ZGRF1: variants seen among roughly 807,000 people sequenced by gnomAD.
The protein encoded by ZGRF1 is 5'-3' DNA helicase ZGRF1.
A neutral mutation model predicts 203.5 loss-of-function variants in ZGRF1; 196 were observed. The observed-to-expected ratio is 0.96, with a 90% CI of 0.86 to 1.08. The LOEUF (loss-of-function observed/expected upper bound fraction) is 1.08. ZGRF1 is among the 50% of genes least tolerant of loss of function. ZGRF1 has a pLI of 0.00. For missense variants in ZGRF1, 2,326 were observed against 2,416.3 expected (o/e 0.96, Z 0.78); for synonymous variants, 809 against 841.3 (o/e 0.96, Z 0.66).
In ZGRF1 at chr4:112,623,807, A is replaced by G; in HGVS notation, c.162+10T>C. 2 of 1,451,808 alleles carry G rather than the reference A, an allele frequency of 1.4e-6. No homozygotes were observed. Among genetic ancestry groups the G allele is most frequent in the Non-Finnish European group, 1.9e-6 (2 of 1,045,706 alleles). The allele number at this position is 1,451,808 out of a possible 1,614,324, so 89.9% of individuals were successfully genotyped here. On this transcript the variant is annotated intron_variant, in intron 4 of 27. Coordinates refer to ENST00000505019, the MANE Select transcript of ZGRF1 (RefSeq NM_018392.5). Reference sequence around the variant, plus strand: ...AATAACTTAAAAATAAGATAAACACACTAAAATACCTCAAGGCATTTAAGA... The same window carrying G: ...AATAACTTAAAAATAAGATAAACACGCTAAAATACCTCAAGGCATTTAAGA...
intron 10 of ZGRF1, among the ~76,000 whole-genome samples, chr4:112,600,709 A>G (rs1749816553): frequency 6.6e-6 from 1 of 152,038 alleles, no homozygotes; most frequent in Admixed American, 6.6e-5. Context: ...ATGTGTGTAG[A>G]CTTGCTGGCT....
chr4:112,568,801 G>A (rs972458385), intron 16 of ZGRF1, among the ~76,000 whole-genome samples: 119 of 151,506 alleles, frequency 7.9e-4, no homozygotes, highest in African/African-American at 2.7e-3. Context: ...AGATTACAAG[G>A]TCAAGAGATC....
chr4:112,571,315 T>C (rs1213499252), intron 16 of ZGRF1, among the ~76,000 whole-genome samples: 3 of 152,148 alleles, frequency 2.0e-5, no homozygotes, highest in African/African-American at 7.2e-5. Context: ...TTGCTGATCT[T>C]CTGATCAATA....
intron 7 of ZGRF1, 121 bp downstream of exon 7, chr4:112,612,403 G>A: frequency 1.7e-6 from 1 of 582,652 alleles, no homozygotes; most frequent in Non-Finnish European, 3.0e-6. Context: ...AAAAATTACT[G>A]AGATACAGCA....
intron 4 of ZGRF1, among the ~76,000 whole-genome samples, chr4:112,623,026 C>A (rs1367177486): frequency 6.6e-6 from 1 of 152,136 alleles, no homozygotes; most frequent in Non-Finnish European, 1.5e-5. Flanking sequence ...TTTGTCCATG[C>A]ATTCTCATCA....
chr4:112,575,283 A>C (rs985021016), intron 16 of ZGRF1, among the ~76,000 whole-genome samples: 1 of 152,178 alleles, frequency 6.6e-6, no homozygotes, highest in East Asian at 1.9e-4. Context: ...AAAAAGGCCT[A>C]ACATTTGGGG....
At chr4:112,547,190 A>ACTAAACCT in intron 24 of ZGRF1, 95 bp downstream of exon 24, 1 of 1,258,014 alleles carries the variant, frequency 7.9e-7, no homozygotes, top group Admixed American at 2.6e-5. Context: ...TTAAGGCAGG[A>ACTAAACCT]CTAAGTCTTC....
chr4:112,604,085 G>A (rs1578420013), intron 9 of ZGRF1, among the ~76,000 whole-genome samples: 1 of 152,064 alleles, frequency 6.6e-6, no homozygotes, highest in Non-Finnish European at 1.5e-5. Context: ...TTAGCCAGGC[G>A]TGGTGGTGCA....
chr4:112,547,388 A>G lies in ZGRF1; in HGVS notation c.5495T>C (p.Ile1832Thr), dbSNP rs1291406408. 6.2e-7 allele frequency: 1 copy of G among 1,611,820 alleles called. No individual in the cohort carries two copies. Among genetic ancestry groups the G allele is most frequent in the African/African-American group, 1.3e-5 (1 of 74,840 alleles). ...TAGCTGTTTGGGATCCCCAACAAGA[A>G]TCAGCTTTTCACACTCAAACCTAAA... ...PIARFECEKL[I>T]LVGDPKQLPP... The change falls in exon 24 of 28, where the codon ATT (isoleucine) becomes ACT (threonine). Residue 1832 changes from isoleucine to threonine, a missense_variant. Coordinates refer to ENST00000505019, the MANE Select transcript of ZGRF1 (RefSeq NM_018392.5).
intron 22 of ZGRF1, among the ~76,000 whole-genome samples, chr4:112,552,290 A>AAT (rs1560745902): frequency 2.0e-5 from 3 of 151,164 alleles, no homozygotes; most frequent in East Asian, 3.9e-4. Context: ...AAAAAAAAAA[A>AAT]AGAAAGAAAG....
At chr4:112,621,566 T>G in intron 4 of ZGRF1, among the ~76,000 whole-genome samples, 1 of 149,178 alleles carries the variant, frequency 6.7e-6, no homozygotes, top group Non-Finnish European at 1.5e-5. Context: ...GGCAGGAGAA[T>G]CACTTGAACC....
chr4:112,597,706 C>T lies in ZGRF1; in HGVS notation c.2976+5818G>A, dbSNP rs1014966641. ...CCAGCCTGGCCAAGATGGAGAAACC[C>T]TGTCTCTACTAAAAATACCAAAAAA... On this transcript the variant is annotated intron_variant, in intron 10 of 27. Coordinates refer to ENST00000505019, the MANE Select transcript of ZGRF1 (RefSeq NM_018392.5). Among the ~76,000 whole-genome samples the T allele has an allele frequency of 2.6e-5, 4 of 151,418 alleles. No homozygotes were observed. The East Asian group carries it at 7.8e-4, about 29-fold the overall frequency.
chr4:112,555,725 T>C (rs745603872), intron 20 of ZGRF1, among the ~76,000 whole-genome samples: 3 of 152,168 alleles, frequency 2.0e-5, no homozygotes, highest in Non-Finnish European at 2.9e-5. Context: ...TAGGAAAACA[T>C]TGTCTGTTCA....
At chr4:112,573,200 A>ACCCACC (rs1553987624) in intron 16 of ZGRF1, among the ~76,000 whole-genome samples, 5 of 148,736 alleles carry the variant, frequency 3.4e-5, no homozygotes, top group Non-Finnish European at 5.9e-5. Flanking sequence ...ACACACACAC[A>ACCCACC]CCCATGGAAT....
chr4:112,607,635 T>C (rs1244197081), intron 8 of ZGRF1, among the ~76,000 whole-genome samples: 2 of 152,140 alleles, frequency 1.3e-5, no homozygotes, highest in Non-Finnish European at 2.9e-5. Context: ...CAGAGAGTTG[T>C]AGTAAGAAGA....
rs1409783397 is a variant in ZGRF1, at chr4:112,563,232, T to A, written c.4481A>T (p.Asp1494Val). 1 of 1,551,304 alleles carries A rather than the reference T, an allele frequency of 6.4e-7. No homozygotes were observed. ...VVSKTLDFELDTFIACSAFFG... is the reference protein window; with the variant it reads ...VVSKTLDFELVTFIACSAFFG... ...GAAAGCACTACATGCGATAAAAGTA[T>A]CCAGCTCAAAGTCTAGGGTTTTTGA... Residue 1494 changes from aspartate (D) to valine (V), a missense_variant, in exon 17 of 28, where the codon GAT (aspartate) becomes GTT (valine). Coordinates refer to ENST00000505019, the MANE Select transcript of ZGRF1 (RefSeq NM_018392.5).
intron 6 of ZGRF1, among the ~76,000 whole-genome samples, chr4:112,616,835 T>TA (rs34222388): frequency 0.021 from 3,001 of 145,548 alleles, 116 homozygotes; most frequent in African/African-American, 0.07. Flanking sequence ...GAAACTGTCT[T>TA]AAAAAAAAAA....
intron 10 of ZGRF1, among the ~76,000 whole-genome samples, chr4:112,591,948 C>T (rs1469525725): frequency 6.6e-6 from 1 of 152,142 alleles, no homozygotes; most frequent in African/African-American, 2.4e-5. Flanking sequence ...CTGCTTTATT[C>T]ACAAGCCTAT....
chr4:112,557,571 A>G (rs1055774391), intron 20 of ZGRF1, among the ~76,000 whole-genome samples: 1 of 152,174 alleles, frequency 6.6e-6, no homozygotes, highest in African/African-American at 2.4e-5. Flanking sequence ...AATCGTCAAC[A>G]TATCTGCATT....
Sources: allele counts gnomAD v4.1 joint callset (sites outside exome capture counted in the v4.1 genomes callset), GRCh38; gene constraint gnomAD v4.1.1; transcripts MANE v1.5; gene names NCBI Gene and HGNC (gene_info 2026-07-23, HGNC 2026-07-21).